Variants in ZRANB1 observed in about 807,000 individuals in gnomAD.
ZRANB1 encodes ubiquitin thioesterase ZRANB1.
Under a neutral mutation model 80.5 loss-of-function variants are expected in ZRANB1, and 16 were observed. That is an observed-to-expected ratio of 0.20 (90% CI 0.13 to 0.30). The LOEUF (loss-of-function observed/expected upper bound fraction) is 0.30, where lower values mean the gene tolerates loss of function less well. Among genes scored for constraint, ZRANB1 ranks in the 10% least tolerant of loss-of-function variants. ZRANB1 has a pLI of 1.00. For synonymous variants in ZRANB1, 291 were observed against 293.1 expected (o/e 0.99, Z 0.07); for missense variants, 576 against 862.6 (o/e 0.67, Z 4.16).
chr10:124,954,484 G>C (rs1321667374), intron 1 of ZRANB1, among the ~76,000 whole-genome samples: 3 of 128,160 alleles, frequency 2.3e-5, no homozygotes, highest in Non-Finnish European at 4.8e-5. Flanking sequence ...GTCTTGCTCT[G>C]TTGTCCAGGC....
At chr10:124,967,819 C>T (rs1951788871) in intron 2 of ZRANB1, among the ~76,000 whole-genome samples, 2 of 151,838 alleles carry the variant, frequency 1.3e-5, no homozygotes, top group African/African-American at 2.4e-5. Context: ...TTCTGGCTTA[C>T]ATAACTAGGT....
At chr10:124,966,106 C>G (rs17152428) in intron 1 of ZRANB1, among the ~76,000 whole-genome samples, 7,739 of 152,146 alleles carry the variant, frequency 0.051, 628 homozygotes, top group African/African-American at 0.17. Context: ...TAAGTTGTTT[C>G]AAAGCTAAAG....
At chr10:124,981,914 G>T in intron 6 of ZRANB1, 85 bp downstream of exon 6, 2 of 1,526,464 alleles carry the variant, frequency 1.3e-6, no homozygotes, top group Non-Finnish European at 8.9e-7. Context: ...CCATGTTGGG[G>T]GCAATGTGGT....
At chr10:124,917,231 G>GGGA in the ZRANB1 span, 1 of 170,018 alleles carries the variant, frequency 5.9e-6, no homozygotes, top group Non-Finnish European at 1.2e-5. Context: ...CCGTCGGACG[G>GGGA]GGAGGAGGAG....
At chr10:124,935,945 A>G in the ZRANB1 span, among the ~76,000 whole-genome samples, 4 of 152,252 alleles carry the variant, frequency 2.6e-5, no homozygotes, top group Admixed American at 2.0e-4. Flanking sequence ...AAGAGGAAAT[A>G]TAAAGTGCCA....
At chr10:124,927,967 A>G in the ZRANB1 span, among the ~76,000 whole-genome samples, 10 of 152,124 alleles carry the variant, frequency 6.6e-5, no homozygotes, top group Non-Finnish European at 1.3e-4. Context: ...AACCTGGGAG[A>G]TGGAGGTTGC....
chr10:124,949,519 AC>A (rs1951617378), intron 1 of ZRANB1, among the ~76,000 whole-genome samples: 1 of 99,340 alleles, frequency 1.0e-5, no homozygotes, highest in East Asian at 3.1e-4. Flanking sequence ...ACACACACAC[AC>A]ACATTTTTTT....
At chr10:124,957,370 T>C (rs1198832507) in intron 1 of ZRANB1, among the ~76,000 whole-genome samples, 1 of 152,122 alleles carries the variant, frequency 6.6e-6, no homozygotes, top group East Asian at 1.9e-4. Context: ...CCTTGTATCA[T>C]TGTTCCTTTT....
the ZRANB1 span, among the ~76,000 whole-genome samples, chr10:124,923,321 C>T: frequency 6.6e-6 from 1 of 151,968 alleles, no homozygotes; most frequent in African/African-American, 2.4e-5. Flanking sequence ...ATGCCAGGTG[C>T]TGTGGCTCAT....
At chr10:124,970,838 T>G (rs1951818807) in intron 2 of ZRANB1, among the ~76,000 whole-genome samples, 1 of 140,272 alleles carries the variant, frequency 7.1e-6, no homozygotes, top group Non-Finnish European at 1.6e-5. Context: ...TTGGGGTTTT[T>G]TTTTTTTTTT....
At chr10:124,943,415 T>C in intron 1 of ZRANB1, 108 bp downstream of exon 1, 2 of 1,077,764 alleles carry the variant, frequency 1.9e-6, no homozygotes, top group Non-Finnish European at 2.6e-6. Flanking sequence ...AGCCACTTGC[T>C]TGAAACCAGG....
chr10:124,947,734 C>T (rs1237071147), intron 1 of ZRANB1, among the ~76,000 whole-genome samples: 8 of 152,144 alleles, frequency 5.3e-5, no homozygotes, highest in Admixed American at 5.2e-4. Flanking sequence ...AGCCTTGGCC[C>T]TCCTTGATTC....
chr10:124,982,095 T>C (rs112025398), intron 6 of ZRANB1, among the ~76,000 whole-genome samples: 1 of 152,092 alleles, frequency 6.6e-6, no homozygotes, highest in South Asian at 2.1e-4. Context: ...TATCGAATGA[T>C]TAAAAACATC....
At chr10:124,957,872 G>A (rs553091533) in intron 1 of ZRANB1, among the ~76,000 whole-genome samples, 4 of 152,190 alleles carry the variant, frequency 2.6e-5, no homozygotes, top group African/African-American at 9.6e-5. Flanking sequence ...GACTATAGGC[G>A]TGTGTGCCAC....
chr10:124,936,272 G>A, the ZRANB1 span, among the ~76,000 whole-genome samples: 3 of 152,156 alleles, frequency 2.0e-5, no homozygotes, highest in Non-Finnish European at 4.4e-5. Context: ...GATTTAGAAA[G>A]GGAAGATGCT....
rs377643899 is a variant in ZRANB1 at position 124,984,928 on chromosome 10, G to A, written c.2063G>A (p.Arg688Gln). Reference protein sequence around the residue: ...QMVEKWLDRYRQIRPCTSLSD... With the variant: ...QMVEKWLDRYQQIRPCTSLSD... ...GTAGAAAAATGGCTTGACCGCTACC[G>A]ACAGATCCGGCCGTGTACATCCCTG... Residue 688 changes from arginine to glutamine, a missense_variant, in exon 9 of 9, where the codon CGA becomes CAA. Physicochemically the swap from Arg to Gln is conservative, Grantham distance 43 (BLOSUM62 1). Transcript: ENST00000359653. 16 of 1,613,766 alleles carry A rather than the reference G, an allele frequency of 9.9e-6. No individual in the cohort carries two copies. In the Admixed American group the frequency reaches 1.3e-4, roughly 13 times the overall value.
At chr10:124,981,588 TA>T in intron 5 of ZRANB1, 120 bp from the exon 6 acceptor site, 1 of 967,958 alleles carries the variant, frequency 1.0e-6, no homozygotes. Context: ...CCAGACAAAA[TA>T]AAATTATTAA....
chr10:124,977,462 A>C (rs1951887681), intron 5 of ZRANB1, among the ~76,000 whole-genome samples: 1 of 151,852 alleles, frequency 6.6e-6, no homozygotes, highest in African/African-American at 2.4e-5. Context: ...GAAGTCCAGC[A>C]TAGAGATAGG....
intron 5 of ZRANB1, among the ~76,000 whole-genome samples, chr10:124,977,799 G>GATA (rs1328683516): frequency 2.6e-5 from 4 of 151,770 alleles, no homozygotes; most frequent in African/African-American, 9.7e-5. Context: ...GTGGCTACTA[G>GATA]GGTGAGAAGG....
Sources: allele counts gnomAD v4.1 joint callset (sites outside exome capture counted in the v4.1 genomes callset), GRCh38; gene constraint gnomAD v4.1.1; transcripts MANE v1.5; gene names NCBI Gene and HGNC (gene_info 2026-07-23, HGNC 2026-07-21).